GNPTAB: variants seen among roughly 807,000 people sequenced by gnomAD.
GNPTAB encodes N-acetylglucosamine-1-phosphotransferase subunits alpha/beta.
In GNPTAB, 92 loss-of-function variants were observed where a neutral mutation model predicts 136.6. That is an observed-to-expected ratio of 0.67 (90% CI 0.57 to 0.80). The LOEUF (loss-of-function observed/expected upper bound fraction) is 0.80. Ranked by LOEUF, GNPTAB falls within the 30% of genes least tolerant of loss-of-function variation. The pLI is 0.00. For synonymous variants in GNPTAB, 512 were observed against 535.1 expected, an observed-to-expected ratio of 0.96 and a Z score of 0.60; for missense variants, 1,343 against 1,501.8, an observed-to-expected ratio of 0.89 and a Z score of 1.75.
intron 19 of GNPTAB, among the ~76,000 whole-genome samples, chr12:101,751,815 T>A (rs760339679): frequency 3.5e-4 from 53 of 152,304 alleles, no homozygotes; most frequent in Admixed American, 2.0e-3. Flanking sequence ...GAAGCACACT[T>A]AGTAGGTGTT....
chr12:101,771,247 T>A, intron 7 of GNPTAB, 90 bp from the exon 8 acceptor site: 9 of 224,008 alleles, frequency 4.0e-5, no homozygotes, highest in South Asian at 1.4e-4. Flanking sequence ...TAATCTTTCC[T>A]TTTTTTTTTT....
At chr12:101,765,850 T>C in intron 12 of GNPTAB, 1 of 487,266 alleles carries the variant, frequency 2.1e-6, no homozygotes, top group East Asian at 3.8e-5. Context: ...TCAGCTAAGG[T>C]AAATCTGCTT....
At position 101,829,336 on chromosome 12, in the gene GNPTAB, T is replaced by C. The variant is rs146364387; in HGVS notation, c.117+1223A>G. On this transcript the variant is annotated intron_variant, in intron 1 of 20. Coordinates refer to ENST00000299314, the MANE Select transcript of GNPTAB (RefSeq NM_024312.5). ...TCCATCTCTACTAAAAATACAAAAATTAGCTGTGCATGGTGGTACGCGCCT... is the reference window on the plus strand; with the variant it reads ...TCCATCTCTACTAAAAATACAAAAACTAGCTGTGCATGGTGGTACGCGCCT... Among the ~76,000 whole-genome samples, 176 of 152,100 alleles carry C rather than the reference T, an allele frequency of 1.2e-3. 1 individual carries two copies. Among genetic ancestry groups the C allele is most frequent in the African/African-American group, 4.1e-3 (169 of 41,488 alleles).
intron 5 of GNPTAB, among the ~76,000 whole-genome samples, chr12:101,783,934 T>C (rs1868485980): frequency 6.6e-6 from 1 of 151,700 alleles, no homozygotes; most frequent in Non-Finnish European, 1.5e-5. Flanking sequence ...CCAAGTCTGG[T>C]TTTGAACTCC....
rs550259764 is a variant in GNPTAB, at chr12:101,780,128, T to C, written c.771+24A>G. On this transcript the variant is annotated intron_variant, in intron 7 of 20. Transcript: ENST00000299314. ...ATTAAATGAGAATGTGCCAGGCTAATTGCTCTATTTTCTATGTTCTTACCA... is the reference window on the plus strand; with the variant it reads ...ATTAAATGAGAATGTGCCAGGCTAACTGCTCTATTTTCTATGTTCTTACCA... 21 of 1,607,462 alleles carry C rather than the reference T, an allele frequency of 1.3e-5. 1 individual carries two copies. The highest frequency in any genetic ancestry group is 1.7e-4 in the Middle Eastern group (1 of 6,034).
chr12:101,789,536 G>A (rs776831988), intron 3 of GNPTAB, among the ~76,000 whole-genome samples: 1 of 152,100 alleles, frequency 6.6e-6, no homozygotes, highest in Non-Finnish European at 1.5e-5. Flanking sequence ...CCAAGTTGGA[G>A]GGCAGTGATA....
chr12:101,750,351 T>A (rs114578019), intron 19 of GNPTAB, among the ~76,000 whole-genome samples: 2,468 of 152,264 alleles, frequency 0.016, 59 homozygotes, highest in African/African-American at 0.056. Flanking sequence ...CACACAGCTC[T>A]TCCCCCTGTA....
Position 101,770,196 on chromosome 12 carries a change from TAAC to T in GNPTAB, c.1114-8_1114-6del, listed in dbSNP as rs758859457. 2.3e-5 allele frequency: 37 copies of T among 1,613,864 alleles called. No homozygotes were observed. The highest frequency in any genetic ancestry group is 1.3e-5 in the African/African-American group (1 of 74,906). On this transcript the variant is annotated splice_polypyrimidine_tract_variant and splice_region_variant and intron_variant, in intron 9 of 20. Transcript: ENST00000299314. ...GCTCAAATTTCGAAAAACATCCTTTTAACAACAACAAACAAAAAAAGAGAGTGA... is the reference window on the plus strand; with the variant it reads ...GCTCAAATTTCGAAAAACATCCTTTTAACAACAAACAAAAAAAGAGAGTGA...
intron 1 of GNPTAB, among the ~76,000 whole-genome samples, chr12:101,812,050 G>A (rs1327571174): frequency 2.0e-5 from 3 of 150,150 alleles, no homozygotes; most frequent in Admixed American, 2.0e-4. Flanking sequence ...CCAGGAGTTC[G>A]AGACCAGCCT....
chr12:101,780,330 GCTGGTGAAAAC>G (rs1373613322), intron 6 of GNPTAB, 44 bp from the exon 7 acceptor site: 1 of 1,605,956 alleles, frequency 6.2e-7, no homozygotes, highest in African/African-American at 1.3e-5. Context: ...ACATCATGAG[GCTGGTGAAAAC>G]CTACAGCTGA....
At chr12:101,760,168 C>A in intron 15 of GNPTAB, 25 bp from the exon 16 acceptor site, 1 of 1,322,434 alleles carries the variant, frequency 7.6e-7, no homozygotes. Flanking sequence ...GATGATAAAT[C>A]TGTTATGCGC....
intron 5 of GNPTAB, among the ~76,000 whole-genome samples, chr12:101,782,358 A>C (rs1868391460): frequency 6.6e-6 from 1 of 152,192 alleles, no homozygotes; most frequent in African/African-American, 2.4e-5. Flanking sequence ...ATGAGTCAAC[A>C]ATGTGCTGTG....
intron 18 of GNPTAB, chr12:101,756,996 T>C (rs1410723503): frequency 2.3e-5 from 12 of 512,208 alleles, no homozygotes; most frequent in East Asian, 1.9e-4. Context: ...TTGTTATTAA[T>C]AGAACCCAGT....
In GNPTAB at chr12:101,747,197, G is replaced by T; in HGVS notation, c.3738C>A (p.His1246Gln). The T allele has an allele frequency of 1.3e-6, 2 of 1,596,598 alleles. No homozygotes were observed. The highest frequency in any genetic ancestry group is 1.7e-6 in the Non-Finnish European group (2 of 1,164,044). The change falls in exon 21 of 21, where the codon CAC becomes CAA. Residue 1246 changes from histidine to glutamine, a missense_variant. Coordinates refer to ENST00000299314, the MANE Select transcript of GNPTAB (RefSeq NM_024312.5). Reference protein sequence around the residue: ...KRKIFPRRRIHKEASPNRIRV With the variant: ...KRKIFPRRRIQKEASPNRIRV ...TGATTCGATTGGGACTAGCTTCTTT[G>T]TGTATCCTCCTTCTGGGAAATATCT...
chr12:101,762,804 C>G lies in GNPTAB; in HGVS notation c.2716-1041G>C, dbSNP rs141821394. ...TCAAACTATTAACAGCAATTATCTC[C>G]GGGAAGGAGACTGAAGAAGGAAGAA... is the stretch of plus-strand genomic sequence containing the variant. On this transcript the variant is annotated intron_variant, in intron 13 of 20. Transcript: ENST00000299314. Among the ~76,000 whole-genome samples, 58 of 151,124 alleles carry G rather than the reference C, an allele frequency of 3.8e-4. 1 individual carries two copies. The Middle Eastern group carries it at 0.014, about 35-fold the overall frequency.
At chr12:101,798,136 T>C (rs950100463) in intron 1 of GNPTAB, among the ~76,000 whole-genome samples, 2 of 152,192 alleles carry the variant, frequency 1.3e-5, no homozygotes, top group African/African-American at 4.8e-5. Flanking sequence ...GCCCCCACAT[T>C]GTCAAACTCA....
At chr12:101,772,984 T>C (rs544855453) in intron 7 of GNPTAB, 2 of 165,802 alleles carry the variant, frequency 1.2e-5, no homozygotes, top group East Asian at 1.9e-4. Flanking sequence ...GCCCAGCTAA[T>C]ATTTTTTGTA....
At chr12:101,809,062 T>C (rs1216853622) in intron 1 of GNPTAB, among the ~76,000 whole-genome samples, 1 of 152,042 alleles carries the variant, frequency 6.6e-6, no homozygotes, top group Admixed American at 6.5e-5. Context: ...GTATCCAAAA[T>C]ATACAAAGAA....
chr12:101,784,545 T>C (rs960331728), intron 5 of GNPTAB, among the ~76,000 whole-genome samples: 2 of 152,198 alleles, frequency 1.3e-5, no homozygotes, highest in Non-Finnish European at 2.9e-5. Flanking sequence ...TTCAGATTTA[T>C]GTGAGACCTG....
Sources: allele counts gnomAD v4.1 joint callset (sites outside exome capture counted in the v4.1 genomes callset), GRCh38; gene constraint gnomAD v4.1.1; transcripts MANE v1.5; gene names NCBI Gene and HGNC (gene_info 2026-07-23, HGNC 2026-07-21).